The following FGFBP2 variants were observed in gnomAD, a reference collection of about 807,000 sequenced individuals.
FGFBP2 encodes the protein fibroblast growth factor binding protein 2.
FGFBP2 carries 7 observed loss-of-function variants against 7.3 expected under a neutral mutation model. The observed-to-expected ratio is 0.96, with a 90% CI of 0.55 to 1.81. The LOEUF (loss-of-function observed/expected upper bound fraction) is 1.81, where lower values mean the gene tolerates loss of function less well. FGFBP2 is among the 40% of genes most tolerant of loss of function. The probability of loss-of-function intolerance (pLI) is 0.00; values close to 1 mark genes in which losing one functional copy is unlikely to be tolerated. For missense variants in FGFBP2, 291 were observed against 280.1 expected (o/e 1.04, Z -0.28); for synonymous variants, 131 against 110.2 (o/e 1.19, Z -1.18).
At position 15,962,826 on chromosome 4, in the gene FGFBP2, G is replaced by T; in HGVS notation, c.304C>A (p.Leu102Ile). The T allele has an allele frequency of 6.4e-7, 1 of 1,567,128 alleles. No homozygotes were observed. The change falls in exon 1 of 2, where the codon CTT (leucine) becomes ATT (isoleucine). Residue 102 changes from leucine to isoleucine, a missense_variant. Leu to Ile is a conservative substitution (Grantham distance 5). Coordinates refer to ENST00000259989, the MANE Select transcript of FGFBP2 (RefSeq NM_031950.4). ...WNQALQELRR[L>I]HHACQGAPVL... ...GGGGCCCCCTGGCACGCATGGTGAAGGCGCCTCAGCTCCTGCAGGGCTTGA... is the reference window on the plus strand; with the variant it reads ...GGGGCCCCCTGGCACGCATGGTGAATGCGCCTCAGCTCCTGCAGGGCTTGA...
In FGFBP2 at chr4:15,961,689, C is replaced by T. The variant is rs188701365; in HGVS notation, c.*20+749G>A. Among the ~76,000 whole-genome samples, 183 of 152,284 alleles carry T rather than the reference C, an allele frequency of 1.2e-3. 3 individuals carry two copies. Among genetic ancestry groups the T allele is most frequent in the African/African-American group, 4.4e-3 (181 of 41,552 alleles). On this transcript the variant is annotated intron_variant, in intron 1 of 1. Coordinates refer to ENST00000259989, the MANE Select transcript of FGFBP2 (RefSeq NM_031950.4). ...TACTGGTGTGCAAAATTAATGAAAG[C>T]TGCTACATTTAAGGATAGAGATCAG...
In FGFBP2 at chr4:15,962,952, G is replaced by T. The variant is rs746140893; in HGVS notation, c.178C>A (p.Arg60Ser). The T allele has an allele frequency of 1.9e-6, 3 of 1,610,666 alleles. No homozygotes were observed. Among genetic ancestry groups the T allele is most frequent in the Non-Finnish European group, 2.5e-6 (3 of 1,179,056 alleles). The change falls in exon 1 of 2, where the codon CGT becomes AGT. Residue 60 changes from arginine (R) to serine (S), a missense_variant. Coordinates refer to ENST00000259989, the MANE Select transcript of FGFBP2 (RefSeq NM_031950.4). ...LGQGAGEVWL[R>S]VDCRNTDQTY... ...TGGTCTGTGTTGCGGCAGTCGACACGAAGCCAGACTTCTCCAGCACCTTGC... is the reference window on the plus strand; with the variant it reads ...TGGTCTGTGTTGCGGCAGTCGACACTAAGCCAGACTTCTCCAGCACCTTGC...
chr4:15,960,371 G>C lies in FGFBP2; in HGVS notation c.*261C>G, dbSNP rs1022335407. 5 of 152,268 alleles carry C rather than the reference G, an allele frequency of 3.3e-5. No individual in the cohort carries two copies. In the East Asian group the frequency reaches 9.6e-4, roughly 29 times the overall value. The allele number at this position is 152,268 out of a possible 1,614,324, so 9.4% of individuals were successfully genotyped here. A position where few individuals can be genotyped will look rare whatever the true frequency, so the allele number is the denominator to read the frequency against. On this transcript the variant is annotated 3_prime_UTR_variant, in exon 2 of 2. Transcript: ENST00000259989. ...AGATCAACAAAGCAAAACTTCTACA[G>C]ATAATAAGTAGTTGTGTATGCTTGT...
chr4:15,962,592 G>A lies in FGFBP2; in HGVS notation c.538C>T (p.Arg180Ter), dbSNP rs564344080. The change falls in exon 1 of 2, where the codon CGA (arginine) becomes TGA (stop). Residue 180 changes from arginine to a stop codon, truncating the protein, a stop_gained. Transcript: ENST00000259989. LOFTEE classifies it low-confidence loss of function (END_TRUNC). ...GGCTGGGTAGGTTTGGCTGTGGGTC[G>A]GGTGGTGGGTTTGGCTTTTCCCAGC... ...EELGKAKPTTRPTAKPTQPGP... is the reference protein window; with the variant it reads ...EELGKAKPTT 3.1e-6 allele frequency: 5 copies of A among 1,614,144 alleles called. No homozygotes were observed. In the African/African-American group the frequency reaches 4.0e-5, roughly 13 times the overall value.
intron 1 of FGFBP2, among the ~76,000 whole-genome samples, chr4:15,961,760 A>C (rs1713090318): frequency 6.6e-6 from 1 of 152,224 alleles, no homozygotes; most frequent in East Asian, 1.9e-4. Context: ...TTTTAAAAGC[A>C]ATACTTGGAG....
At position 15,962,619 on chromosome 4, in the gene FGFBP2, C is replaced by G. The variant is rs749826832; in HGVS notation, c.511G>C (p.Glu171Gln). 1 of 1,614,194 alleles carries G rather than the reference C, an allele frequency of 6.2e-7. No individual in the cohort carries two copies. Among genetic ancestry groups the G allele is most frequent in the Admixed American group, 1.7e-5 (1 of 60,026 alleles). ...GTGGTGGGTTTGGCTTTTCCCAGCT[C>G]TTCCATCGAGTCCTTTCCCAGCTGT... is the stretch of plus-strand genomic sequence containing the variant. ...ATQLGKDSME[E>Q]LGKAKPTTRP... Residue 171 changes from glutamate (E) to glutamine (Q), a missense_variant, in exon 1 of 2, where the codon GAG becomes CAG. Glu to Gln is a conservative substitution (Grantham distance 29, BLOSUM62 2). Coordinates refer to ENST00000259989, the MANE Select transcript of FGFBP2 (RefSeq NM_031950.4).
intron 1 of FGFBP2, 51 bp downstream of exon 1, chr4:15,962,387 T>G: frequency 7.0e-7 from 1 of 1,430,766 alleles, no homozygotes; most frequent in Non-Finnish European, 9.3e-7. Flanking sequence ...AGTCTCTGTA[T>G]ATAAGTATAT....
Position 15,963,017 on chromosome 4 carries a change from C to T in FGFBP2, c.113G>A (p.Gly38Glu). The T allele has an allele frequency of 6.2e-7, 1 of 1,614,172 alleles. No individual in the cohort carries two copies. Among genetic ancestry groups the T allele is most frequent in the Non-Finnish European group, 8.5e-7 (1 of 1,180,034 alleles). The stretch of plus-strand genomic sequence containing the variant: ...ACGCATAGTGCAGGAATCTCTCCCT[C>T]CAGTCTGGAAATGGAATTCCTCCCC... ...STGEEFHFQTGGRDSCTMRPS... is the reference protein window; with the variant it reads ...STGEEFHFQTEGRDSCTMRPS... Residue 38 changes from glycine (G) to glutamate (E), a missense_variant, in exon 1 of 2, where the codon GGA becomes GAA. Transcript: ENST00000259989.
Position 15,962,726 on chromosome 4 carries a change from C to T in FGFBP2, c.404G>A (p.Gly135Asp). 6.2e-7 allele frequency: 1 copy of T among 1,613,410 alleles called. No individual in the cohort carries two copies. The highest frequency in any genetic ancestry group is 8.5e-7 in the Non-Finnish European group (1 of 1,179,860). ...AGGCTGCTGGTTGGGCTCTGGGCTG[C>T]CCTTGAGGCTGGAAGTCACCTGCTG... ...HMQQVTSSLKGSPEPNQQPEA... is the reference protein window; with the variant it reads ...HMQQVTSSLKDSPEPNQQPEA... The change falls in exon 1 of 2, where the codon GGC becomes GAC. Residue 135 changes from glycine (G) to aspartate (D), a missense_variant. Physicochemically the swap from Gly to Asp is moderately conservative, Grantham distance 94 (BLOSUM62 -1). Coordinates refer to ENST00000259989, the MANE Select transcript of FGFBP2 (RefSeq NM_031950.4).
At position 15,960,575 on chromosome 4, in the gene FGFBP2, T is replaced by C. The variant is rs1185024831; in HGVS notation, c.*57A>G. 1 of 114,082 alleles carries C rather than the reference T, an allele frequency of 8.8e-6. No individual in the cohort carries two copies. Among genetic ancestry groups the C allele is most frequent in the Non-Finnish European group, 1.8e-5 (1 of 54,970 alleles). 7.1% of individuals were successfully genotyped at this position (114,082 alleles called of 1,614,324 possible). On this transcript the variant is annotated 3_prime_UTR_variant, in exon 2 of 2. Transcript: ENST00000259989. ...ACGTTGGATTGAAAGCGGCATAATATAAAAAGAGATGGTTGTCTGTCAGGG... is the reference window on the plus strand; with the variant it reads ...ACGTTGGATTGAAAGCGGCATAATACAAAAAGAGATGGTTGTCTGTCAGGG...
chr4:15,961,126 A>G (rs966762178), intron 1 of FGFBP2, among the ~76,000 whole-genome samples: 9 of 152,230 alleles, frequency 5.9e-5, no homozygotes, highest in African/African-American at 1.4e-4. Context: ...ATGCATCTGT[A>G]TATACGCTGT....
chr4:15,960,819 C>T (rs1577700427), intron 1 of FGFBP2, among the ~76,000 whole-genome samples: 1 of 152,152 alleles, frequency 6.6e-6, no homozygotes, highest in African/African-American at 2.4e-5. Flanking sequence ...TTGGGTGGGA[C>T]TTCATCCAGT....
Position 15,962,617 on chromosome 4 carries a change from C to G in FGFBP2, c.513G>C (p.Glu171Asp). Reference protein sequence around the residue: ...ATQLGKDSMEELGKAKPTTRP... With the variant: ...ATQLGKDSMEDLGKAKPTTRP... ...GGGTGGTGGGTTTGGCTTTTCCCAG[C>G]TCTTCCATCGAGTCCTTTCCCAGCT... The change falls in exon 1 of 2, where the codon GAG becomes GAC. Residue 171 changes from glutamate to aspartate, a missense_variant. Coordinates refer to ENST00000259989, the MANE Select transcript of FGFBP2 (RefSeq NM_031950.4). 1 of 1,614,196 alleles carries G rather than the reference C, an allele frequency of 6.2e-7. No homozygotes were observed. The highest frequency in any genetic ancestry group is 8.5e-7 in the Non-Finnish European group (1 of 1,180,038).
rs1012199963 is a variant in FGFBP2, at chr4:15,962,462, C to G, written c.668G>C (p.Gly223Ala). 3.2e-6 allele frequency: 5 copies of G among 1,552,744 alleles called. No homozygotes were observed. Among genetic ancestry groups the G allele is most frequent in the African/African-American group, 2.7e-5 (2 of 72,984 alleles). The change falls in exon 1 of 2, where the codon GGG becomes GCG. Residue 223 changes from glycine to alanine, a missense_variant. Coordinates refer to ENST00000259989, the MANE Select transcript of FGFBP2 (RefSeq NM_031950.4). Reference sequence around the variant, plus strand: ...CCTGTAGGGGTCTTTCACCTGTCACCCTCGGAAGAAGCTGATGAGAAAGGC... The same window carrying G: ...CCTGTAGGGGTCTTTCACCTGTCACGCTCGGAAGAAGCTGATGAGAAAGGC... ...LCAFLISFFR[G>A]
Position 15,962,664 on chromosome 4 carries a change from C to G in FGFBP2, c.466G>C (p.Val156Leu). ...GTPSLRPKAT[V>L]KLTEATQLGK... is the part of the protein sequence containing the mutation. ...AGCTGTGTTGCTTCTGTGAGTTTCA[C>G]TGTGGCCTTGGGCCTCAGAGATGGC... is the stretch of plus-strand genomic sequence containing the variant. Residue 156 changes from valine to leucine, a missense_variant, in exon 1 of 2, where the codon GTG becomes CTG. Coordinates refer to ENST00000259989, the MANE Select transcript of FGFBP2 (RefSeq NM_031950.4). The G allele has an allele frequency of 6.2e-7, 1 of 1,614,216 alleles. No homozygotes were observed. Among genetic ancestry groups the G allele is most frequent in the Non-Finnish European group, 8.5e-7 (1 of 1,180,042 alleles).
intron 1 of FGFBP2, among the ~76,000 whole-genome samples, chr4:15,960,956 T>C (rs1230718304): frequency 6.6e-6 from 1 of 152,210 alleles, no homozygotes; most frequent in Non-Finnish European, 1.5e-5. Flanking sequence ...GACACCTTGA[T>C]CTTGGAATTT....
At chr4:15,961,157 G>C (rs6831882) in intron 1 of FGFBP2, among the ~76,000 whole-genome samples, 1,570 of 152,192 alleles carry the variant, frequency 0.01, 30 homozygotes, top group African/African-American at 0.036. Context: ...GTGTAAATAC[G>C]CATGGATGGA....
chr4:15,963,067 G>A lies in FGFBP2; in HGVS notation c.63C>T (p.Ala21=). 1.2e-6 allele frequency: 2 copies of A among 1,613,586 alleles called. No homozygotes were observed. The highest frequency in any genetic ancestry group is 8.5e-7 in the Non-Finnish European group (1 of 1,179,696). The change falls in exon 1 of 2, where the codon GCC becomes GCT. Residue 21 remains alanine, a synonymous_variant. Transcript: ENST00000259989. ...CAGTGCTTCCTTGCTTTTGCCTCGG[G>A]GCCTGACCCAAAGTCCCCAGGCAGG... is the stretch of plus-strand genomic sequence containing the variant. ...TLSCLGTLGQ[A]PRQKQGSTGE... is the part of the protein sequence containing the mutation.
intron 1 of FGFBP2, among the ~76,000 whole-genome samples, chr4:15,961,319 T>C (rs780607689): frequency 2.0e-5 from 3 of 151,784 alleles, no homozygotes; most frequent in Non-Finnish European, 2.9e-5. Flanking sequence ...AAAATCACTT[T>C]AAAAAGAAAA....
Sources: gnomAD v4.1 joint callset for allele counts (sites outside exome capture counted in the v4.1 genomes callset) on GRCh38, gnomAD v4.1.1 for gene constraint, MANE v1.5 for transcripts, NCBI Gene and HGNC (gene_info 2026-07-23, HGNC 2026-07-21) for gene names.